Variants in INTU observed in about 807,000 individuals in gnomAD.
INTU encodes the protein protein inturned.
A neutral mutation model predicts 100.5 loss-of-function variants in INTU; 68 were observed. The ratio of observed to expected loss-of-function variants is 0.68; its 90% CI spans 0.56 to 0.83. The LOEUF (loss-of-function observed/expected upper bound fraction) is 0.83. Among genes scored for constraint, INTU ranks in the 40% least tolerant of loss-of-function variants. The probability of loss-of-function intolerance (pLI) is 0.00; values close to 1 mark genes in which losing one functional copy is unlikely to be tolerated. For synonymous variants in INTU, 357 were observed against 395.7 expected (o/e 0.90, Z 1.16); for missense variants, 1,071 against 1,114.7 (o/e 0.96, Z 0.56).
At chr4:127,642,215 AAATAAGTGATATTTGGTTGATAATCTGC>A (rs1162504401) in intron 1 of INTU, among the ~76,000 whole-genome samples, 1 of 152,202 alleles carries the variant, frequency 6.6e-6, no homozygotes, top group Non-Finnish European at 1.5e-5. Flanking sequence ...GGTATTGTTG[AAATAAGTGATATTTGGTTGATAATCTGC>A]AATAAGTGAG....
chr4:127,707,905 G>A (rs138350075), intron 12 of INTU, among the ~76,000 whole-genome samples: 2,231 of 152,200 alleles, frequency 0.015, 47 homozygotes, highest in African/African-American at 0.05. Context: ...CATTTGGGTG[G>A]ATGGAGGTGA....
intron 14 of INTU, 82 bp from the exon 15 acceptor site, chr4:127,713,854 C>A (rs955416736): frequency 1.1e-5 from 11 of 990,820 alleles, no homozygotes; most frequent in Non-Finnish European, 1.6e-5. Context: ...TTTGGATCAG[C>A]CAATTCAGAT....
chr4:127,713,907 T>G, intron 14 of INTU, 29 bp from the exon 15 acceptor site: 1 of 1,511,424 alleles, frequency 6.6e-7, no homozygotes, highest in South Asian at 1.2e-5. Context: ...TAATACCAGT[T>G]AATACTAACA....
Position 127,656,668 on chromosome 4 carries a change from G to A in INTU, c.715G>A (p.Val239Ile), listed in dbSNP as rs752818098. The change falls in exon 3 of 16, where the codon GTT becomes ATT. Residue 239 changes from valine (V) to isoleucine (I), a missense_variant. Transcript: ENST00000335251. ...CCTTGTTGCTGTGAATGATGTCGATGTTACTACTGAAAACATCGAGAGAGT... is the reference window on the plus strand; with the variant it reads ...CCTTGTTGCTGTGAATGATGTCGATATTACTACTGAAAACATCGAGAGAGT... ...DVLVAVNDVD[V>I]TTENIERVLS... 1.2e-6 allele frequency: 2 copies of A among 1,610,682 alleles called. No homozygotes were observed. The highest frequency in any genetic ancestry group is 2.7e-5 in the African/African-American group (2 of 74,890).
In INTU at chr4:127,710,958, A is replaced by G. The variant is rs1731071360; in HGVS notation, c.2415A>G (p.Leu805=). 2 of 1,547,430 alleles carry G rather than the reference A, an allele frequency of 1.3e-6. No homozygotes were observed. The highest frequency in any genetic ancestry group is 2.7e-5 in the African/African-American group (2 of 74,224). The change falls in exon 14 of 16, where the codon TTA becomes TTG. Residue 805 remains leucine, a synonymous_variant. Transcript: ENST00000335251. ...PENTLFHYVA[L]ETVQGIFITP... Reference sequence around the variant, plus strand: ...ACACACTTTTCCACTACGTTGCCTTAGAAACAGTGCAAGGAATCTTTATTA... The same window carrying G: ...ACACACTTTTCCACTACGTTGCCTTGGAAACAGTGCAAGGAATCTTTATTA...
At chr4:127,650,930 G>A (rs1326147907) in intron 2 of INTU, among the ~76,000 whole-genome samples, 1 of 152,168 alleles carries the variant, frequency 6.6e-6, no homozygotes, top group Admixed American at 6.5e-5. Flanking sequence ...GTGTGAGATG[G>A]TATCTCATTG....
rs767224259 is a variant in INTU at position 127,706,567 on chromosome 4, A to G, written c.1869A>G (p.Val623=). The G allele has an allele frequency of 8.7e-6, 14 of 1,613,956 alleles. No homozygotes were observed. The Admixed American group carries it at 1.0e-4, about 12-fold the overall frequency. ...TTGGGAGTCCTGGACCAGACTGTGT[A>G]TATGTGGATCAAGTCAAAACAACTC... ...KAIGSPGPDC[V]YVDQVKTTLH... is the part of the protein sequence containing the mutation. Residue 623 remains valine (V), a synonymous_variant, in exon 12 of 16, where the codon GTA becomes GTG. Transcript: ENST00000335251.
rs543312687 is a variant in INTU, at chr4:127,721,173, C to T, written c.*4737C>T. ...ACTTGCAAGGCAGGCCTGGTGGTGA[C>T]GAATTCCCTCAGCATTTGCTTGTCT... is the stretch of plus-strand genomic sequence containing the variant. On this transcript the variant is annotated 3_prime_UTR_variant, in exon 16 of 16. Coordinates refer to ENST00000335251, the MANE Select transcript of INTU (RefSeq NM_015693.4). 4.6e-5 allele frequency: 7 copies of T among 152,184 alleles called. No individual in the cohort carries two copies. The highest frequency in any genetic ancestry group is 4.2e-4 in the South Asian group (2 of 4,818). The allele number at this position is 152,184 out of a possible 1,614,324, so 9.4% of individuals were successfully genotyped here.
intron 8 of INTU, 47 bp downstream of exon 8, chr4:127,687,914 A>T: frequency 8.1e-7 from 1 of 1,234,180 alleles, no homozygotes. Flanking sequence ...GTGCCTTATT[A>T]TAATCTTGTA....
chr4:127,640,586 T>TACAC (rs1445334956), intron 1 of INTU, among the ~76,000 whole-genome samples: 1 of 32,288 alleles, frequency 3.1e-5, no homozygotes, highest in African/African-American at 9.9e-5. Flanking sequence ...TATATATATA[T>TACAC]ATATACATAT....
intron 3 of INTU, among the ~76,000 whole-genome samples, chr4:127,657,596 G>A (rs573333837): frequency 6.6e-6 from 1 of 152,204 alleles, no homozygotes; most frequent in African/African-American, 2.4e-5. Flanking sequence ...ATTAGTGTCT[G>A]AGCTCCACCT....
chr4:127,656,576 T>C, intron 2 of INTU, 60 bp from the exon 3 acceptor site: 1 of 1,212,710 alleles, frequency 8.2e-7, no homozygotes, highest in Non-Finnish European at 1.2e-6. Context: ...GTTCCAATTC[T>C]AGACCTCTAT....
intron 10 of INTU, 55 bp from the exon 11 acceptor site, chr4:127,705,536 G>C (rs1730839502): frequency 3.2e-6 from 4 of 1,267,376 alleles, no homozygotes; most frequent in Non-Finnish European, 3.4e-6. Flanking sequence ...GAAATATTAT[G>C]GGACTATTGC....
At chr4:127,683,564 C>T (rs1359265204) in intron 6 of INTU, among the ~76,000 whole-genome samples, 3 of 152,146 alleles carry the variant, frequency 2.0e-5, no homozygotes, top group Non-Finnish European at 4.4e-5. Flanking sequence ...CTGCGTGTTT[C>T]CCTCCTCACC....
intron 9 of INTU, 138 bp from the exon 10 acceptor site, chr4:127,704,090 A>T (rs1394228531): frequency 3.2e-6 from 2 of 628,564 alleles, no homozygotes; most frequent in Non-Finnish European, 5.5e-6. Flanking sequence ...ATATTCTGGT[A>T]TATTGATTTC....
At chr4:127,648,949 G>A (rs1727708386) in intron 2 of INTU, among the ~76,000 whole-genome samples, 1 of 151,972 alleles carries the variant, frequency 6.6e-6, no homozygotes, top group Admixed American at 6.6e-5. Flanking sequence ...GCCCATGCTT[G>A]CAAAACTCCC....
At chr4:127,697,875 C>T (rs1344003668) in intron 8 of INTU, among the ~76,000 whole-genome samples, 2 of 152,158 alleles carry the variant, frequency 1.3e-5, no homozygotes, top group Non-Finnish European at 2.9e-5. Flanking sequence ...AATCCAAGCA[C>T]TTTGGTAGGC....
Position 127,676,605 on chromosome 4 carries a change from G to A in INTU, c.1181+2392G>A, listed in dbSNP as rs562938593. On this transcript the variant is annotated intron_variant, in intron 6 of 15. Transcript: ENST00000335251. ...TGTCTCAAAAAAAAAAAAAAAGAGA[G>A]AGAGAGGTGGGAGCCAAGATGGCCG... Among the ~76,000 whole-genome samples, 1,280 of 145,984 alleles carry A rather than the reference G, an allele frequency of 8.8e-3. 34 individuals are homozygous for A. The highest frequency in any genetic ancestry group is 0.028 in the African/African-American group (1,050 of 38,046).
intron 11 of INTU, 27 bp from the exon 12 acceptor site, chr4:127,706,460 C>A: frequency 6.4e-7 from 1 of 1,566,182 alleles, no homozygotes; most frequent in Non-Finnish European, 8.7e-7. Context: ...GTAGCTAAAC[C>A]TACATTTGTA....
Sources: allele counts gnomAD v4.1 joint callset (sites outside exome capture counted in the v4.1 genomes callset), GRCh38; gene constraint gnomAD v4.1.1; transcripts MANE v1.5; gene names NCBI Gene and HGNC (gene_info 2026-07-23, HGNC 2026-07-21).